The following MAPKAPK2 variants were observed in gnomAD, a reference collection of about 807,000 sequenced individuals.
The protein encoded by MAPKAPK2 is MAPK activated protein kinase 2.
A neutral mutation model predicts 48.8 loss-of-function variants in MAPKAPK2; 9 were observed. That is an observed-to-expected ratio of 0.18 (90% CI 0.11 to 0.32). The LOEUF is 0.32. MAPKAPK2 is among the 10% of genes least tolerant of loss of function. The pLI, the probability that MAPKAPK2 is intolerant of heterozygous loss-of-function variation, is 1.00. For synonymous variants in MAPKAPK2, 202 were observed against 190.6 expected (o/e 1.06, Z -0.49); for missense variants, 331 against 498.3 (o/e 0.66, Z 3.20).
intron 1 of MAPKAPK2, among the ~76,000 whole-genome samples, chr1:206,694,481 C>A (rs74147157): frequency 0.014 from 2,092 of 152,258 alleles, 36 homozygotes; most frequent in African/African-American, 0.048. Flanking sequence ...CAGAAGGAGC[C>A]CCTGTCCTCA....
rs183641310 is a variant in MAPKAPK2 at position 206,716,670 on chromosome 1, G to C, written c.280-12040G>C. Among the ~76,000 whole-genome samples the C allele has an allele frequency of 2.2e-4, 33 of 152,236 alleles. No homozygotes were observed. In the East Asian group the frequency reaches 6.2e-3, roughly 28 times the overall value. On this transcript the variant is annotated intron_variant, in intron 1 of 9. Transcript: ENST00000367103. ...TTTGTCGCTTCAAAGTAAAATTTTAGATTTGCTTTGGCAGCCGCACAGGGT... is the reference window on the plus strand; with the variant it reads ...TTTGTCGCTTCAAAGTAAAATTTTACATTTGCTTTGGCAGCCGCACAGGGT...
chr1:206,685,346 C>A lies in MAPKAPK2; in HGVS notation c.117C>A (p.Pro39=), dbSNP rs781902222. 6.7e-7 allele frequency: 1 copy of A among 1,494,726 alleles called. No individual in the cohort carries two copies. Among genetic ancestry groups the A allele is most frequent in the South Asian group, 1.2e-5 (1 of 83,812 alleles). The allele number at this position is 1,494,726 out of a possible 1,614,324, so 92.6% of individuals were successfully genotyped here. A position where few individuals can be genotyped will look rare whatever the true frequency, so the allele number is the denominator to read the frequency against. The stretch of plus-strand genomic sequence containing the variant: ...CCCCGGCGCAGCCGCCGCCGCCGCC[C>A]CCGCAGCAGTTCCCGCAGTTCCACG... The part of the protein sequence containing the change: ...PHPPAQPPPP[P]PQQFPQFHVK... The change falls in exon 1 of 10, where the codon CCC becomes CCA. Residue 39 remains proline (P), a synonymous_variant. Transcript: ENST00000367103.
intron 1 of MAPKAPK2, among the ~76,000 whole-genome samples, chr1:206,700,486 C>T (rs79247327): frequency 0.04 from 6,149 of 152,190 alleles, 269 homozygotes; most frequent in African/African-American, 0.11. Context: ...TTGGTAGGTT[C>T]AGTGTGTGTC....
chr1:206,721,920 C>T (rs1673530400), intron 1 of MAPKAPK2, among the ~76,000 whole-genome samples: 1 of 152,122 alleles, frequency 6.6e-6, no homozygotes, highest in African/African-American at 2.4e-5. Context: ...ACAAAATTAG[C>T]CGGGCATGGT....
At chr1:206,707,453 C>A (rs1331769182) in intron 1 of MAPKAPK2, among the ~76,000 whole-genome samples, 1 of 152,074 alleles carries the variant, frequency 6.6e-6, no homozygotes, top group Non-Finnish European at 1.5e-5. Context: ...GAAACCAGAG[C>A]AGCAAAGGTA....
At chr1:206,686,048 C>T (rs1572471556) in intron 1 of MAPKAPK2, among the ~76,000 whole-genome samples, 2 of 152,252 alleles carry the variant, frequency 1.3e-5, no homozygotes, top group Middle Eastern at 6.8e-3. Context: ...GCAGCCGGGC[C>T]GCCTTGGGGC....
At chr1:206,697,895 C>T (rs907684388) in intron 1 of MAPKAPK2, among the ~76,000 whole-genome samples, 1 of 152,254 alleles carries the variant, frequency 6.6e-6, no homozygotes. Context: ...CCAAGCAAGT[C>T]CTAGGACCTG....
chr1:206,711,085 T>A (rs782318857), intron 1 of MAPKAPK2, among the ~76,000 whole-genome samples: 5 of 152,256 alleles, frequency 3.3e-5, no homozygotes, highest in Non-Finnish European at 4.4e-5. Context: ...TGGTTCCGCA[T>A]TACTGTGCAA....
At chr1:206,693,016 A>G (rs977327843) in intron 1 of MAPKAPK2, among the ~76,000 whole-genome samples, 15 of 152,234 alleles carry the variant, frequency 9.9e-5, no homozygotes, top group Non-Finnish European at 1.8e-4. Flanking sequence ...GGGGCTGAAC[A>G]GGAGATCTAC....
intron 1 of MAPKAPK2, among the ~76,000 whole-genome samples, chr1:206,710,793 A>T (rs1283602583): frequency 1.3e-5 from 2 of 152,256 alleles, no homozygotes; most frequent in African/African-American, 4.8e-5. Context: ...TTGCAAAGGC[A>T]TATGAAAGAT....
intron 1 of MAPKAPK2, among the ~76,000 whole-genome samples, chr1:206,712,962 T>TCACACACACACACA (rs58379967): frequency 0.097 from 10,833 of 112,076 alleles, 861 homozygotes; most frequent in East Asian, 0.12. Flanking sequence ...TGAGACTCCA[T>TCACACACACACACA]CACACACACA....
In MAPKAPK2 at chr1:206,729,436, G is replaced by C; in HGVS notation, c.525G>C (p.Gln175His). ...EIMKSIGEAIQYLHSINIAHR... is the reference protein window; with the variant it reads ...EIMKSIGEAIHYLHSINIAHR... ...TGAAGAGCATCGGTGAGGCCATCCA[G>C]TATCTGCATTCAATCAACATTGCCC... Residue 175 changes from glutamine (Q) to histidine (H), a missense_variant, in exon 4 of 10, where the codon CAG (glutamine) becomes CAC (histidine). Coordinates refer to ENST00000367103, the MANE Select transcript of MAPKAPK2 (RefSeq NM_032960.4). 5.0e-6 allele frequency: 8 copies of C among 1,614,176 alleles called. No individual in the cohort carries two copies. The highest frequency in any genetic ancestry group is 6.8e-6 in the Non-Finnish European group (8 of 1,180,004).
intron 1 of MAPKAPK2, among the ~76,000 whole-genome samples, chr1:206,707,585 G>C (rs890584574): frequency 2.2e-4 from 33 of 152,124 alleles, no homozygotes; most frequent in Admixed American, 7.2e-4. Context: ...CTGTGTTAAT[G>C]GACTGTGTAA....
chr1:206,686,365 C>T (rs1478892471), intron 1 of MAPKAPK2, among the ~76,000 whole-genome samples: 1 of 152,192 alleles, frequency 6.6e-6, no homozygotes, highest in East Asian at 1.9e-4. Context: ...CCTTTTCTTT[C>T]TTTAAGGGGT....
At chr1:206,730,792 G>T in intron 6 of MAPKAPK2, 29 bp downstream of exon 6, 2 of 1,511,464 alleles carry the variant, frequency 1.3e-6, no homozygotes, top group South Asian at 2.2e-5. Context: ...GGGCTGGGTG[G>T]GGCAGGGAGT....
At position 206,720,607 on chromosome 1, in the gene MAPKAPK2, C is replaced by G. The variant is rs183591910; in HGVS notation, c.280-8103C>G. Among the ~76,000 whole-genome samples, 10 of 152,300 alleles carry G rather than the reference C, an allele frequency of 6.6e-5. No homozygotes were observed. The East Asian group carries it at 1.9e-3, about 29-fold the overall frequency. ...CTTCTGACTTCAAGTAATCTGCCCCCCTTGGCCTCCCAAAGTGCTGGGGTT... is the reference window on the plus strand; with the variant it reads ...CTTCTGACTTCAAGTAATCTGCCCCGCTTGGCCTCCCAAAGTGCTGGGGTT... On this transcript the variant is annotated intron_variant, in intron 1 of 9. Coordinates refer to ENST00000367103, the MANE Select transcript of MAPKAPK2 (RefSeq NM_032960.4).
chr1:206,703,836 G>A (rs114556144), intron 1 of MAPKAPK2, among the ~76,000 whole-genome samples: 282 of 152,318 alleles, frequency 1.9e-3, no homozygotes, highest in Middle Eastern at 0.01. Flanking sequence ...TGCTGAAGGC[G>A]TTGTAAGAAA....
chr1:206,706,851 T>C (rs1672975212), intron 1 of MAPKAPK2, among the ~76,000 whole-genome samples: 1 of 151,916 alleles, frequency 6.6e-6, no homozygotes, highest in African/African-American at 2.4e-5. Flanking sequence ...CCCTCGGGGC[T>C]AGAAGGCAGG....
Position 206,733,082 on chromosome 1 carries a change from G to A in MAPKAPK2, c.*364G>A, listed in dbSNP as rs1308985957. On this transcript the variant is annotated 3_prime_UTR_variant, in exon 10 of 10. Transcript: ENST00000367103. ...GCAAAGGCTTGTGGTTTGTTAGAGGGTATTTGTGGAAACTGTCATAGGGAT... is the reference window on the plus strand; with the variant it reads ...GCAAAGGCTTGTGGTTTGTTAGAGGATATTTGTGGAAACTGTCATAGGGAT... The A allele has an allele frequency of 1.0e-5, 2 of 198,912 alleles. No homozygotes were observed. The highest frequency in any genetic ancestry group is 2.3e-5 in the African/African-American group (1 of 42,942). 12.3% of individuals were successfully genotyped at this position (198,912 alleles called of 1,614,324 possible).
Sources: gnomAD v4.1 joint callset for allele counts (sites outside exome capture counted in the v4.1 genomes callset) on GRCh38, gnomAD v4.1.1 for gene constraint, MANE v1.5 for transcripts, NCBI Gene and HGNC (gene_info 2026-07-23, HGNC 2026-07-21) for gene names.